Variants in TSEN2 observed in about 807,000 individuals in gnomAD.
TSEN2 encodes the protein tRNA-splicing endonuclease subunit Sen2.
TSEN2 carries 54 observed loss-of-function variants against 59.2 expected under a neutral mutation model. The observed-to-expected ratio is 0.91, with a 90% CI of 0.73 to 1.14. The LOEUF (loss-of-function observed/expected upper bound fraction) is 1.14, where lower values mean the gene tolerates loss of function less well. Ranked by LOEUF, TSEN2 falls within the 50% of genes most tolerant of loss-of-function variation. TSEN2 has a pLI of 0.00. For missense variants in TSEN2, 636 were observed against 576.2 expected, an observed-to-expected ratio of 1.10 and a Z score of -1.06; for synonymous variants, 195 against 198.2, an observed-to-expected ratio of 0.98 and a Z score of 0.14.
chr3:12,521,150 T>A (rs9869091), intron 8 of TSEN2, among the ~76,000 whole-genome samples: 1 of 152,146 alleles, frequency 6.6e-6, no homozygotes, highest in Non-Finnish European at 1.5e-5. Flanking sequence ...AGTATTCCAC[T>A]GCATCCCCCA....
chr3:12,486,310 T>C (rs1272464462), intron 1 of TSEN2, among the ~76,000 whole-genome samples: 1 of 152,220 alleles, frequency 6.6e-6, no homozygotes, highest in African/African-American at 2.4e-5. Flanking sequence ...ATATGGGGAA[T>C]GGTAAATGCA....
intron 10 of TSEN2, chr3:12,531,290 A>G (rs2057442719): frequency 2.7e-6 from 1 of 376,550 alleles, no homozygotes; most frequent in Non-Finnish European, 4.9e-6. Context: ...TATCAAGGAC[A>G]TTTGAGGACT....
At position 12,503,596 on chromosome 3, in the gene TSEN2, T is replaced by A; in HGVS notation, c.643T>A (p.Ser215Thr). Reference sequence around the variant, plus strand: ...TGAGAAAAGCGTGCGAGAGGATGCCTCACCTCTGCCCCATGTCTGTTGCTG... The same window carrying A: ...TGAGAAAAGCGTGCGAGAGGATGCCACACCTCTGCCCCATGTCTGTTGCTG... ...SFEKSVREDA[S>T]PLPHVCCCKQ... The change falls in exon 5 of 12, where the codon TCA becomes ACA. Residue 215 changes from serine to threonine, a missense_variant. Ser to Thr is a moderately conservative substitution (Grantham distance 58, BLOSUM62 1). Transcript: ENST00000284995. The A allele has an allele frequency of 6.3e-7, 1 of 1,597,338 alleles. No individual in the cohort carries two copies. The highest frequency in any genetic ancestry group is 8.5e-7 in the Non-Finnish European group (1 of 1,170,006).
At chr3:12,506,209 A>G (rs2054818641) in intron 6 of TSEN2, among the ~76,000 whole-genome samples, 1 of 150,456 alleles carries the variant, frequency 6.6e-6, no homozygotes, top group African/African-American at 2.5e-5. Context: ...ACTGTGCTAC[A>G]TGATTCAGAT....
chr3:12,530,050 TC>T, intron 10 of TSEN2, 177 bp downstream of exon 10: 1 of 1,440,894 alleles, frequency 6.9e-7, no homozygotes, highest in Non-Finnish European at 9.1e-7. Context: ...CTAGAAGTTG[TC>T]CTCCCCTCAT....
At chr3:12,524,802 G>A (rs1559354586) in intron 8 of TSEN2, among the ~76,000 whole-genome samples, 1 of 148,058 alleles carries the variant, frequency 6.8e-6, no homozygotes, top group Non-Finnish European at 1.5e-5. Flanking sequence ...GAGTGCAGTG[G>A]CGCGATCTCA....
chr3:12,488,057 T>A (rs1247547462), intron 1 of TSEN2, among the ~76,000 whole-genome samples: 1 of 152,212 alleles, frequency 6.6e-6, no homozygotes, highest in East Asian at 1.9e-4. Context: ...TGTGTCCTCA[T>A]ATAATTCCTC....
rs2052436465 is a variant in TSEN2, at chr3:12,484,897, G to A, written c.-18+17G>A. The A allele has an allele frequency of 6.6e-6, 1 of 152,414 alleles. No individual in the cohort carries two copies. Among genetic ancestry groups the A allele is most frequent in the East Asian group, 1.9e-4 (1 of 5,170 alleles). The allele number at this position is 152,414 out of a possible 1,614,324, so 9.4% of individuals were successfully genotyped here. A position where few individuals can be genotyped will look rare whatever the true frequency, so the allele number is the denominator to read the frequency against. ...AGCAAAGGGGTAAGACAGGGAGTTA[G>A]GAATTGGCGGGGCCCCTAACGCTGT... On this transcript the variant is annotated intron_variant, in intron 1 of 11. Coordinates refer to ENST00000284995, the MANE Select transcript of TSEN2 (RefSeq NM_025265.4).
At chr3:12,483,388 A>G (rs968221846), upstream of TSEN2, among the ~76,000 whole-genome samples, 3 of 152,156 alleles carry the variant, frequency 2.0e-5, no homozygotes, top group African/African-American at 7.2e-5. Context: ...CCGTCTCAAA[A>G]AATAAAAAGG....
intron 6 of TSEN2, among the ~76,000 whole-genome samples, chr3:12,513,454 CTT>C (rs1304528529): frequency 1.3e-5 from 2 of 152,124 alleles, no homozygotes; most frequent in Non-Finnish European, 2.9e-5. Context: ...ATTAATTGAG[CTT>C]TTAGGTGCTT....
intron 2 of TSEN2, among the ~76,000 whole-genome samples, chr3:12,491,778 C>T (rs187871151): frequency 1.3e-5 from 2 of 152,272 alleles, no homozygotes; most frequent in East Asian, 1.9e-4. Context: ...GTTCCACTTC[C>T]GTGGATTCAC....
At chr3:12,538,142 CTG>C (rs762467602), downstream of TSEN2, among the ~76,000 whole-genome samples, 11 of 152,210 alleles carry the variant, frequency 7.2e-5, no homozygotes, top group Admixed American at 2.0e-4. Flanking sequence ...TTGACGTTAA[CTG>C]TGCTGAAACA....
chr3:12,527,235 AC>A (rs1249463973), intron 8 of TSEN2, among the ~76,000 whole-genome samples: 1 of 152,200 alleles, frequency 6.6e-6, no homozygotes, highest in Non-Finnish European at 1.5e-5. Flanking sequence ...AGGAAATGTG[AC>A]CATGGAAAAT....
intron 6 of TSEN2, among the ~76,000 whole-genome samples, chr3:12,515,984 C>A (rs774525342): frequency 1.4e-4 from 22 of 151,916 alleles, no homozygotes; most frequent in Non-Finnish European, 8.8e-5. Flanking sequence ...CATCATTCTT[C>A]AGTTATATAG....
At chr3:12,534,734 G>A (rs553294179), downstream of TSEN2, among the ~76,000 whole-genome samples, 42 of 151,800 alleles carry the variant, frequency 2.8e-4, no homozygotes, top group African/African-American at 1.0e-3. Context: ...AACCCAGGAG[G>A]TGGAGTTTGC....
intron 8 of TSEN2, among the ~76,000 whole-genome samples, chr3:12,521,622 C>T (rs1047161063): frequency 1.7e-4 from 26 of 151,916 alleles, no homozygotes; most frequent in African/African-American, 5.6e-4. Context: ...GGCTAAGGCA[C>T]GAGAATCTCT....
In TSEN2 at chr3:12,519,101, G is replaced by A. The variant is rs765337698; in HGVS notation, c.1003G>A (p.Val335Ile). 6.2e-7 allele frequency: 1 copy of A among 1,614,204 alleles called. No homozygotes were observed. The highest frequency in any genetic ancestry group is 1.7e-5 in the Admixed American group (1 of 60,020). Residue 335 changes from valine (V) to isoleucine (I), a missense_variant, in exon 8 of 12, where the codon GTT (valine) becomes ATT (isoleucine). Transcript: ENST00000284995. ...GAAGCTCTGGAAAGCTTTCACTGTAGTTCAGCCCACGTTCAGAACCACCTA... is the reference window on the plus strand; with the variant it reads ...GAAGCTCTGGAAAGCTTTCACTGTAATTCAGCCCACGTTCAGAACCACCTA... The part of the protein sequence containing the change: ...IVKLWKAFTV[V>I]QPTFRTTYMA...
intron 1 of TSEN2, among the ~76,000 whole-genome samples, chr3:12,486,717 C>G (rs879325780): frequency 2.6e-5 from 4 of 152,178 alleles, no homozygotes; most frequent in Admixed American, 2.6e-4. Flanking sequence ...CAGTCGCCCC[C>G]CCATTTCCCA....
At chr3:12,487,685 C>T (rs2052760143) in intron 1 of TSEN2, among the ~76,000 whole-genome samples, 1 of 138,890 alleles carries the variant, frequency 7.2e-6, no homozygotes, top group South Asian at 2.1e-4. Flanking sequence ...ATTATTGTCT[C>T]TCCAATTGAG....
Sources: gnomAD v4.1 joint callset for allele counts (sites outside exome capture counted in the v4.1 genomes callset) on GRCh38, gnomAD v4.1.1 for gene constraint, MANE v1.5 for transcripts, NCBI Gene and HGNC (gene_info 2026-07-23, HGNC 2026-07-21) for gene names.